The following PBX1 variants were observed in gnomAD, a reference collection of about 807,000 sequenced individuals.
PBX1 encodes PBX homeobox 1, also known as pre-B-cell leukemia transcription factor 1.
A neutral mutation model predicts 53.4 loss-of-function variants in PBX1; 6 were observed. The ratio of observed to expected loss-of-function variants is 0.11; its 90% CI spans 0.06 to 0.22. PBX1 has a LOEUF of 0.22. PBX1 is among the 10% of genes least tolerant of loss of function. The probability of loss-of-function intolerance (pLI) is 1.00; values close to 1 mark genes in which losing one functional copy is unlikely to be tolerated. For synonymous variants in PBX1, 204 were observed against 212.3 expected, an observed-to-expected ratio of 0.96 and a Z score of 0.34; for missense variants, 251 against 551.4, an observed-to-expected ratio of 0.46 and a Z score of 5.46.
At chr1:164,881,146 C>G (rs1339149623) in intron 2 of PBX1, among the ~76,000 whole-genome samples, 1 of 152,182 alleles carries the variant, frequency 6.6e-6, no homozygotes, top group Non-Finnish European at 1.5e-5. Flanking sequence ...TGAGCCTAAT[C>G]CTCCCGGGAG....
chr1:164,607,780 A>G (rs1656658629), intron 2 of PBX1, among the ~76,000 whole-genome samples: 1 of 152,202 alleles, frequency 6.6e-6, no homozygotes. Context: ...GAACAGGATT[A>G]TCAGAGAGGC....
At chr1:164,658,347 T>A (rs1660287356) in intron 2 of PBX1, among the ~76,000 whole-genome samples, 1 of 152,220 alleles carries the variant, frequency 6.6e-6, no homozygotes, top group Non-Finnish European at 1.5e-5. Flanking sequence ...GCTCAACTGA[T>A]TGAAAACTGC....
intron 2 of PBX1, among the ~76,000 whole-genome samples, chr1:164,574,562 C>G (rs1654089047): frequency 6.6e-6 from 1 of 152,152 alleles, no homozygotes; most frequent in Non-Finnish European, 1.5e-5. Flanking sequence ...CTAATTTCTC[C>G]TATGAATCCT....
At chr1:164,784,192 T>A (rs1350516573) in intron 2 of PBX1, among the ~76,000 whole-genome samples, 3 of 152,208 alleles carry the variant, frequency 2.0e-5, no homozygotes, top group Admixed American at 6.5e-5. Context: ...TCTGGGTATG[T>A]CAGTCTAAGG....
intron 2 of PBX1, among the ~76,000 whole-genome samples, chr1:164,735,539 G>A (rs539381685): frequency 7.8e-4 from 119 of 152,330 alleles, no homozygotes; most frequent in African/African-American, 2.8e-3. Context: ...CAGATCGCTA[G>A]CTGCCTGCTA....
intron 2 of PBX1, among the ~76,000 whole-genome samples, chr1:164,681,130 A>G (rs1025146521): frequency 2.6e-5 from 4 of 152,060 alleles, no homozygotes; most frequent in African/African-American, 9.7e-5. Flanking sequence ...CTGTAGTCCC[A>G]GCTACCCAGG....
At chr1:164,827,042 A>G (rs562288279) in intron 8 of PBX1, among the ~76,000 whole-genome samples, 11 of 152,356 alleles carry the variant, frequency 7.2e-5, no homozygotes, top group Non-Finnish European at 1.3e-4. Context: ...AATAAATAGT[A>G]TATAAATCAT....
intron 2 of PBX1, chr1:164,772,943 C>T (rs1205613794): frequency 6.6e-6 from 1 of 152,282 alleles, no homozygotes; most frequent in East Asian, 1.9e-4. Flanking sequence ...TGACCATATC[C>T]AGTTCTGGGC....
intron 2 of PBX1, among the ~76,000 whole-genome samples, chr1:164,767,313 C>T (rs1667108568): frequency 6.6e-6 from 1 of 152,124 alleles, no homozygotes; most frequent in Non-Finnish European, 1.5e-5. Context: ...AAACCAAACA[C>T]GGGGTCCTTC....
chr1:164,706,169 C>T (rs536887888), intron 2 of PBX1, among the ~76,000 whole-genome samples: 1 of 152,076 alleles, frequency 6.6e-6, no homozygotes, highest in Admixed American at 6.6e-5. Flanking sequence ...GATGGCTGAG[C>T]GGTGTTAGCC....
intron 2 of PBX1, among the ~76,000 whole-genome samples, chr1:164,879,795 A>C (rs1322935673): frequency 6.6e-6 from 1 of 152,224 alleles, no homozygotes; most frequent in South Asian, 2.1e-4. Context: ...ACTTATTTTA[A>C]CAATACATCA....
chr1:164,585,676 C>T (rs551923798), intron 2 of PBX1, among the ~76,000 whole-genome samples: 1 of 152,194 alleles, frequency 6.6e-6, no homozygotes, highest in Non-Finnish European at 1.5e-5. Context: ...CTTTCTTGCT[C>T]AGTAGAACCA....
At chr1:164,664,942 T>C (rs1660721921) in intron 2 of PBX1, among the ~76,000 whole-genome samples, 1 of 152,116 alleles carries the variant, frequency 6.6e-6, no homozygotes. Flanking sequence ...GAGATTTGGA[T>C]GGGGACACAG....
chr1:164,648,295 G>T (rs1356065082), intron 2 of PBX1, among the ~76,000 whole-genome samples: 1 of 152,154 alleles, frequency 6.6e-6, no homozygotes, highest in Admixed American at 6.5e-5. Flanking sequence ...GTACTTTGAA[G>T]TTACCAAGCT....
chr1:164,590,725 G>A (rs1343742818), intron 2 of PBX1, among the ~76,000 whole-genome samples: 1 of 152,000 alleles, frequency 6.6e-6, no homozygotes, highest in African/African-American at 2.4e-5. Context: ...ATTGATCTAA[G>A]GATTTGTTAA....
In PBX1 at chr1:164,660,712, C is replaced by T. The variant is rs564797924; in HGVS notation, c.265+97401C>T. Among the ~76,000 whole-genome samples the T allele has an allele frequency of 1.3e-3, 202 of 152,278 alleles. 1 individual carries two copies. The highest frequency in any genetic ancestry group is 4.6e-3 in the African/African-American group (190 of 41,542). On this transcript the variant is annotated intron_variant, in intron 2 of 8. Transcript: ENST00000420696. ...TTATGTACATCATCCTTGACTACAG[C>T]TCTTCAGTGCCTTTGCTAGTCATTG...
chr1:164,691,309 C>T (rs529024492), intron 2 of PBX1, among the ~76,000 whole-genome samples: 4 of 152,194 alleles, frequency 2.6e-5, no homozygotes, highest in Admixed American at 2.6e-4. Context: ...CCACTGTGCC[C>T]GGCGAGAGTT....
chr1:164,831,823 A>G (rs538924920), intron 8 of PBX1, among the ~76,000 whole-genome samples: 1 of 152,288 alleles, frequency 6.6e-6, no homozygotes, highest in African/African-American at 2.4e-5. Flanking sequence ...CCCAGCAGCC[A>G]GGGGCTCCCT....
At chr1:164,747,912 C>T (rs16834337) in intron 2 of PBX1, among the ~76,000 whole-genome samples, 10,471 of 151,994 alleles carry the variant, frequency 0.069, 440 homozygotes, top group African/African-American at 0.12. Flanking sequence ...AGAACAGCAA[C>T]ATTTTTTAAT....
Sources: gnomAD v4.1 joint callset for allele counts (sites outside exome capture counted in the v4.1 genomes callset) on GRCh38, gnomAD v4.1.1 for gene constraint, MANE v1.5 for transcripts, NCBI Gene and HGNC (gene_info 2026-07-23, HGNC 2026-07-21) for gene names.